Variants in LRP1B observed in about 807,000 individuals in gnomAD.
The protein encoded by LRP1B is LDL receptor related protein 1B, also known as low-density lipoprotein receptor-related protein 1B.
Under a neutral mutation model 556.6 loss-of-function variants are expected in LRP1B, and 217 were observed. The observed-to-expected ratio is 0.39, with a 90% CI of 0.35 to 0.44. LRP1B has a LOEUF of 0.44. LRP1B is among the 20% of genes least tolerant of loss of function. The pLI is 1.00. For missense variants in LRP1B, 5,053 were observed against 5,620.8 expected (o/e 0.90, Z 3.23); for synonymous variants, 2,047 against 1,865.8 (o/e 1.10, Z -2.50).
At chr2:140,790,429 G>T (rs912323538) in intron 32 of LRP1B, among the ~76,000 whole-genome samples, 1 of 152,140 alleles carries the variant, frequency 6.6e-6, no homozygotes, top group Non-Finnish European at 1.5e-5. Flanking sequence ...GCTGTTTCAT[G>T]GATTTTTCTC....
chr2:141,417,777 T>C (rs1288932972), intron 3 of LRP1B, among the ~76,000 whole-genome samples: 1 of 148,790 alleles, frequency 6.7e-6, no homozygotes, highest in South Asian at 2.1e-4. Context: ...TTTTTTTTTT[T>C]ACAAATCTCC....
At chr2:140,947,692 T>C (rs1695584565) in intron 20 of LRP1B, among the ~76,000 whole-genome samples, 1 of 152,214 alleles carries the variant, frequency 6.6e-6, no homozygotes, top group Non-Finnish European at 1.5e-5. Context: ...ATCCTTTGAA[T>C]TGTCTTTTAC....
At chr2:140,519,178 G>A (rs1690046252) in intron 49 of LRP1B, among the ~76,000 whole-genome samples, 1 of 152,044 alleles carries the variant, frequency 6.6e-6, no homozygotes, top group Admixed American at 6.6e-5. Context: ...AAAGAACAAA[G>A]CTGGAAGCAT....
rs186086566 is a variant in LRP1B at position 141,720,548 on chromosome 2, G to A, written c.205+89731C>T. Among the ~76,000 whole-genome samples, 7 of 152,162 alleles carry A rather than the reference G, an allele frequency of 4.6e-5. No homozygotes were observed. The East Asian group carries it at 1.4e-3, about 29-fold the overall frequency. ...AAGTATTTCATCAGAAGACTCTTCAGTATGAAGAGATGACTAACTTTATGT... is the reference window on the plus strand; with the variant it reads ...AAGTATTTCATCAGAAGACTCTTCAATATGAAGAGATGACTAACTTTATGT... On this transcript the variant is annotated intron_variant, in intron 2 of 90. Coordinates refer to ENST00000389484, the MANE Select transcript of LRP1B (RefSeq NM_018557.3).
rs762241612 is a variant in LRP1B, at chr2:141,552,968, G to A, written c.206-72435C>T. ...TTGAAAGAAGACCAGAGTAAGTTAAGTATGTAGAAGAAACAATATGGAGAG... is the reference window on the plus strand; with the variant it reads ...TTGAAAGAAGACCAGAGTAAGTTAAATATGTAGAAGAAACAATATGGAGAG... On this transcript the variant is annotated intron_variant, in intron 2 of 90. Coordinates refer to ENST00000389484, the MANE Select transcript of LRP1B (RefSeq NM_018557.3). Among the ~76,000 whole-genome samples the A allele has an allele frequency of 2.5e-4, 38 of 152,034 alleles. 1 individual carries two copies. Among genetic ancestry groups the A allele is most frequent in the Middle Eastern group, 6.8e-3 (2 of 294 alleles).
At chr2:141,489,722 A>G (rs1305429634) in intron 2 of LRP1B, among the ~76,000 whole-genome samples, 1 of 152,136 alleles carries the variant, frequency 6.6e-6, no homozygotes, top group East Asian at 1.9e-4. Flanking sequence ...ACAAACTTAT[A>G]TGTAAGTGCA....
chr2:141,182,330 C>T (rs1029824191), intron 7 of LRP1B, among the ~76,000 whole-genome samples: 46 of 151,986 alleles, frequency 3.0e-4, no homozygotes, highest in Middle Eastern at 3.4e-3. Context: ...ATAATTAATA[C>T]AAATTTATAA....
intron 2 of LRP1B, among the ~76,000 whole-genome samples, chr2:141,691,441 A>T (rs1347647756): frequency 2.7e-5 from 2 of 73,894 alleles, no homozygotes; most frequent in Non-Finnish European, 5.2e-5. Context: ...AAGGAAAAAA[A>T]AAAAGTTGGC....
At chr2:141,833,792 G>C (rs902456792) in intron 1 of LRP1B, among the ~76,000 whole-genome samples, 6 of 151,658 alleles carry the variant, frequency 4.0e-5, no homozygotes, top group Non-Finnish European at 8.8e-5. Flanking sequence ...TGTACAAAAG[G>C]CTAAAGGAAT....
chr2:140,332,839 G>A (rs1238605877), intron 79 of LRP1B, among the ~76,000 whole-genome samples: 3 of 151,966 alleles, frequency 2.0e-5, no homozygotes, highest in African/African-American at 7.2e-5. Context: ...CGTGCTACAG[G>A]TAATTCCACA....
At chr2:140,237,550 A>G (rs1680762499) in intron 89 of LRP1B, among the ~76,000 whole-genome samples, 1 of 150,914 alleles carries the variant, frequency 6.6e-6, no homozygotes. Context: ...GATGAAAACA[A>G]AACTATCTTG....
intron 41 of LRP1B, among the ~76,000 whole-genome samples, chr2:140,685,019 A>T (rs1012035050): frequency 3.3e-5 from 5 of 152,146 alleles, no homozygotes; most frequent in South Asian, 2.1e-4. Context: ...ATGTAATTTT[A>T]AAAAATCTCC....
chr2:140,704,086 C>T (rs1686742745), intron 37 of LRP1B, among the ~76,000 whole-genome samples: 1 of 152,088 alleles, frequency 6.6e-6, no homozygotes, highest in East Asian at 1.9e-4. Context: ...AACTGCTTTC[C>T]ACAGTGGCTG....
chr2:140,253,049 G>A (rs1383064787), intron 86 of LRP1B, among the ~76,000 whole-genome samples: 1 of 151,956 alleles, frequency 6.6e-6, no homozygotes, highest in African/African-American at 2.4e-5. Flanking sequence ...TGTTTTCTAT[G>A]AGAATAGCTA....
chr2:142,075,436 A>G (rs1264486115), intron 1 of LRP1B, among the ~76,000 whole-genome samples: 1 of 152,104 alleles, frequency 6.6e-6, no homozygotes, highest in Non-Finnish European at 1.5e-5. Context: ...TCAAGATCCT[A>G]TGACCTCTGG....
intron 71 of LRP1B, among the ~76,000 whole-genome samples, chr2:140,368,634 A>G (rs1025444052): frequency 2.0e-5 from 3 of 151,916 alleles, no homozygotes; most frequent in Non-Finnish European, 4.4e-5. Flanking sequence ...AGTAAAACTG[A>G]TTAATTGGGA....
chr2:141,664,625 A>G (rs1014783407), intron 2 of LRP1B, among the ~76,000 whole-genome samples: 1 of 152,212 alleles, frequency 6.6e-6, no homozygotes, highest in African/African-American at 2.4e-5. Context: ...AGAGAATAAA[A>G]TACCTAGGAA....
chr2:140,707,814 T>C (rs1686892677), intron 37 of LRP1B, among the ~76,000 whole-genome samples: 1 of 152,110 alleles, frequency 6.6e-6, no homozygotes, highest in South Asian at 2.1e-4. Flanking sequence ...AATATGTTGC[T>C]ATTGATTAAA....
chr2:141,810,527 T>G, intron 1 of LRP1B, 126 bp from the exon 2 acceptor site: 1 of 1,005,102 alleles, frequency 9.9e-7, no homozygotes, highest in South Asian at 1.7e-5. Flanking sequence ...CATTTTCTGT[T>G]CGGCAGCAAA....
Sources: allele counts gnomAD v4.1 joint callset (sites outside exome capture counted in the v4.1 genomes callset), GRCh38; gene constraint gnomAD v4.1.1; transcripts MANE v1.5; gene names NCBI Gene and HGNC (gene_info 2026-07-23, HGNC 2026-07-21).